ADAMTS17: variants seen among roughly 807,000 people sequenced by gnomAD.
ADAMTS17 encodes ADAM metallopeptidase with thrombospondin type 1 motif 17.
In ADAMTS17, 113 loss-of-function variants were observed where a neutral mutation model predicts 141.5. The observed-to-expected ratio is 0.80, with a 90% confidence interval of 0.69 to 0.93. ADAMTS17 has a LOEUF of 0.93. ADAMTS17 is among the 40% of genes least tolerant of loss of function. The probability of loss-of-function intolerance (pLI) is 0.00; values close to 1 mark genes in which losing one functional copy is unlikely to be tolerated. For missense variants in ADAMTS17, 1,659 were observed against 1,517.9 expected (o/e 1.09, Z -1.54); for synonymous variants, 768 against 630.6 (o/e 1.22, Z -3.27).
chr15:99,986,255 G>C (rs370015552), intron 20 of ADAMTS17, among the ~76,000 whole-genome samples: 125 of 152,312 alleles, frequency 8.2e-4, no homozygotes, highest in African/African-American at 2.8e-3. Context: ...GTGATACAAG[G>C]TTCGTTCATT....
intron 14 of ADAMTS17, among the ~76,000 whole-genome samples, chr15:100,104,091 G>C (rs1320079088): frequency 6.6e-6 from 1 of 152,206 alleles, no homozygotes; most frequent in South Asian, 2.1e-4. Context: ...AAACCAGTAA[G>C]GCAAGCATAG....
intron 8 of ADAMTS17, among the ~76,000 whole-genome samples, chr15:100,194,445 C>T: frequency 6.6e-6 from 1 of 152,214 alleles, no homozygotes; most frequent in Non-Finnish European, 1.5e-5. Context: ...GCTTCCAAAT[C>T]ACAGCCAACA....
chr15:99,985,189 G>A (rs530024953), intron 20 of ADAMTS17, among the ~76,000 whole-genome samples: 5 of 152,336 alleles, frequency 3.3e-5, no homozygotes, highest in African/African-American at 9.6e-5. Context: ...GTCTGTCCCC[G>A]CTCCTTTTTG....
chr15:100,101,560 T>A (rs984939309), intron 14 of ADAMTS17, among the ~76,000 whole-genome samples: 2 of 152,226 alleles, frequency 1.3e-5, no homozygotes, highest in Non-Finnish European at 2.9e-5. Flanking sequence ...ATGTGTCATC[T>A]CCCTAACGGA....
intron 3 of ADAMTS17, among the ~76,000 whole-genome samples, chr15:100,312,432 C>A (rs976284378): frequency 6.6e-6 from 1 of 152,208 alleles, no homozygotes; most frequent in South Asian, 2.1e-4. Flanking sequence ...GGCCTGCTGA[C>A]ACTTTGATTT....
intron 3 of ADAMTS17, 143 bp from the exon 4 acceptor site, chr15:100,281,544 C>T (rs1228943703): frequency 1.8e-6 from 2 of 1,115,294 alleles, no homozygotes; most frequent in Non-Finnish European, 2.6e-6. Flanking sequence ...GCAATCTCCA[C>T]CGTCATGTGG....
intron 7 of ADAMTS17, among the ~76,000 whole-genome samples, chr15:100,220,327 T>C (rs2042093814): frequency 6.6e-6 from 1 of 152,072 alleles, no homozygotes; most frequent in Non-Finnish European, 1.5e-5. Context: ...CTAAGTGGGG[T>C]GGCAGCGGAA....
rs76790355 is a variant in ADAMTS17, at chr15:100,164,844, C to A, written c.1182-9524G>T. ...GTAAAGCTTAAGTCTTAGAGGCCCA[C>A]TGTTCTTGGTAAGTGGCTACCCCCA... On this transcript the variant is annotated intron_variant, in intron 8 of 21. Coordinates refer to ENST00000268070, the MANE Select transcript of ADAMTS17 (RefSeq NM_139057.4). 4.7e-3 allele frequency among the ~76,000 whole-genome samples: 715 copies of A among 152,340 alleles called. 5 individuals are homozygous for A. Among genetic ancestry groups the A allele is most frequent in the Admixed American group, 0.021 (327 of 15,308 alleles).
intron 4 of ADAMTS17, among the ~76,000 whole-genome samples, chr15:100,273,762 T>G (rs191833414): frequency 2.0e-4 from 31 of 152,314 alleles, no homozygotes; most frequent in Admixed American, 5.9e-4. Flanking sequence ...TCTAGTTCCT[T>G]AAGTTGTAAA....
At chr15:100,020,021 T>A (rs1290835664) in intron 18 of ADAMTS17, among the ~76,000 whole-genome samples, 1 of 150,952 alleles carries the variant, frequency 6.6e-6, no homozygotes. Context: ...TCCCAAAGCA[T>A]AATGACGTGG....
At chr15:100,214,223 G>A (rs2041899331) in intron 7 of ADAMTS17, among the ~76,000 whole-genome samples, 1 of 152,140 alleles carries the variant, frequency 6.6e-6, no homozygotes, top group Non-Finnish European at 1.5e-5. Context: ...TAGGAACTTA[G>A]AACCCATTTC....
At chr15:100,291,178 T>C (rs184406963) in intron 3 of ADAMTS17, among the ~76,000 whole-genome samples, 16 of 152,266 alleles carry the variant, frequency 1.1e-4, no homozygotes, top group Non-Finnish European at 2.2e-4. Flanking sequence ...CATTAAAAAG[T>C]GGGCAAAGGA....
chr15:100,256,072 G>T (rs1026816366), intron 6 of ADAMTS17, among the ~76,000 whole-genome samples: 3 of 152,232 alleles, frequency 2.0e-5, no homozygotes, highest in African/African-American at 7.2e-5. Flanking sequence ...GCCTGCAGGG[G>T]CTGCTTTATC....
At chr15:99,990,219 T>G (rs920894576) in intron 20 of ADAMTS17, among the ~76,000 whole-genome samples, 2 of 151,864 alleles carry the variant, frequency 1.3e-5, no homozygotes, top group African/African-American at 4.8e-5. Flanking sequence ...GATTTTTTTT[T>G]GTAGAGACAG....
rs144629269 is a variant in ADAMTS17 at position 100,007,716 on chromosome 15, C to T, written c.2592-10127G>A. 1.6e-3 allele frequency among the ~76,000 whole-genome samples: 242 copies of T among 151,976 alleles called. 1 individual carries two copies. Among genetic ancestry groups the T allele is most frequent in the African/African-American group, 5.5e-3 (226 of 41,444 alleles). ...GAGCTGGCCTGCGGTGGAAGGGTGG[C>T]GCTGCTTTAGAGGCCGGGTTGAGGG... On this transcript the variant is annotated intron_variant, in intron 18 of 21. Transcript: ENST00000268070.
At chr15:100,288,355 C>G (rs908246479) in intron 3 of ADAMTS17, among the ~76,000 whole-genome samples, 6 of 152,162 alleles carry the variant, frequency 3.9e-5, no homozygotes, top group African/African-American at 1.4e-4. Flanking sequence ...AACACAGAAG[C>G]AGATTCATAA....
intron 7 of ADAMTS17, among the ~76,000 whole-genome samples, chr15:100,217,308 C>T (rs1235989128): frequency 3.9e-5 from 6 of 152,322 alleles, no homozygotes; most frequent in Admixed American, 6.5e-5. Flanking sequence ...GAGGGGATCA[C>T]AGACCTAAAC....
intron 8 of ADAMTS17, among the ~76,000 whole-genome samples, chr15:100,191,255 T>C (rs1012723798): frequency 4.6e-5 from 7 of 152,236 alleles, no homozygotes; most frequent in African/African-American, 1.7e-4. Flanking sequence ...GCACAGCGTG[T>C]GTAACCTGCC....
At chr15:100,138,133 T>C (rs1003984711) in intron 10 of ADAMTS17, among the ~76,000 whole-genome samples, 3 of 122,430 alleles carry the variant, frequency 2.5e-5, no homozygotes, top group African/African-American at 8.1e-5. Flanking sequence ...CCAGGGAATC[T>C]GGAAGGGTGT....
Sources: gnomAD v4.1 joint callset for allele counts (sites outside exome capture counted in the v4.1 genomes callset) on GRCh38, gnomAD v4.1.1 for gene constraint, MANE v1.5 for transcripts, NCBI Gene and HGNC (gene_info 2026-07-23, HGNC 2026-07-21) for gene names.